The following SPAG7 variants were observed in gnomAD, a reference collection of about 807,000 sequenced individuals.
The protein encoded by SPAG7 is sperm-associated antigen 7.
SPAG7 carries 20 observed loss-of-function variants against 30.6 expected under a neutral mutation model. The observed-to-expected ratio is 0.65, with a 90% CI of 0.46 to 0.95. The LOEUF (loss-of-function observed/expected upper bound fraction) is 0.95. Among genes scored for constraint, SPAG7 ranks in the 40% least tolerant of loss-of-function variants. SPAG7 has a pLI of 0.00. For missense variants in SPAG7, 276 were observed against 291.1 expected (o/e 0.95, Z 0.38); for synonymous variants, 127 against 104.2 (o/e 1.22, Z -1.33).
chr17:4,967,135 G>A (rs1567678072), intron 1 of SPAG7: 6 of 986,264 alleles, frequency 6.1e-6, no homozygotes, highest in Non-Finnish European at 6.0e-6. Context: ...CGATCCGCCC[G>A]GGCAGCTCGG....
Position 4,967,607 on chromosome 17 carries a change from A to G in SPAG7, c.85+113T>C, listed in dbSNP as rs920472965. ...CTTTTAGGGACTCTGAGGGTCTCGG[A>G]AGGGGCCTGTGAGGGGTCTTTCAAG... On this transcript the variant is annotated intron_variant, in intron 1 of 6. Coordinates refer to ENST00000206020, the MANE Select transcript of SPAG7 (RefSeq NM_004890.3). 2.6e-5 allele frequency: 21 copies of G among 799,820 alleles called. No homozygotes were observed. The Admixed American group carries it at 2.7e-4, about 10-fold the overall frequency. The allele number at this position is 799,820 out of a possible 1,614,324, so 49.5% of individuals were successfully genotyped here. A position where few individuals can be genotyped will look rare whatever the true frequency, so the allele number is the denominator to read the frequency against.
chr17:4,959,575 G>C lies in SPAG7; in HGVS notation c.643C>G (p.Arg215Gly). ...EAMNEIRAKKRLRQSGEELPP... is the reference protein window; with the variant it reads ...EAMNEIRAKKGLRQSGEELPP... ...AACTCTTCCCCACTCTGCCGCAGAC[G>C]CTTCTTGGCTCTGATCTCATTCATA... The change falls in exon 7 of 7, where the codon CGT becomes GGT. Residue 215 changes from arginine (R) to glycine (G), a missense_variant. Physicochemically the swap from Arg to Gly is moderately radical, Grantham distance 125 (BLOSUM62 -2). Transcript: ENST00000206020. 1.2e-6 allele frequency: 2 copies of C among 1,614,016 alleles called. No homozygotes were observed. Among genetic ancestry groups the C allele is most frequent in the Non-Finnish European group, 1.7e-6 (2 of 1,180,022 alleles).
intron 2 of SPAG7, 67 bp from the exon 3 acceptor site, chr17:4,960,614 G>A (rs1443167731): frequency 7.0e-6 from 10 of 1,432,494 alleles, no homozygotes; most frequent in South Asian, 1.2e-5. Context: ...CTCCCTAGCT[G>A]AGCCTGGGCC....
At chr17:4,967,221 C>G in intron 1 of SPAG7, 3 of 992,004 alleles carry the variant, frequency 3.0e-6, no homozygotes, top group Non-Finnish European at 3.6e-6. Flanking sequence ...GCAGGAGGGG[C>G]AAGAACACAC....
intron 1 of SPAG7, among the ~76,000 whole-genome samples, chr17:4,964,018 C>T (rs1446731481): frequency 6.6e-6 from 1 of 152,094 alleles, no homozygotes; most frequent in East Asian, 1.9e-4. Context: ...TGCAGAGACT[C>T]AAGCTTCTCA....
rs975726771 is a variant in SPAG7 at position 4,963,415 on chromosome 17, A to C, written c.86-2562T>G. ...GAAAACAGACTAAGACCCTGGCCTC[A>C]AAGAGTCTGTCATCTCGTTTACACA... is the stretch of plus-strand genomic sequence containing the variant. On this transcript the variant is annotated intron_variant, in intron 1 of 6. Transcript: ENST00000206020. Among the ~76,000 whole-genome samples, 3 of 151,918 alleles carry C rather than the reference A, an allele frequency of 2.0e-5. No homozygotes were observed. In the East Asian group the frequency reaches 5.8e-4, roughly 29 times the overall value.
At chr17:4,961,591 TAA>T (rs879358196) in intron 1 of SPAG7, among the ~76,000 whole-genome samples, 3 of 129,276 alleles carry the variant, frequency 2.3e-5, no homozygotes, top group African/African-American at 2.9e-5. Context: ...CTGTCTCTAC[TAA>T]AAAAAAAAAA....
In SPAG7 at chr17:4,959,569, G is replaced by A. The variant is rs377700806; in HGVS notation, c.649C>T (p.Arg217Trp). Reference sequence around the variant, plus strand: ...GGCGGCAACTCTTCCCCACTCTGCCGCAGACGCTTCTTGGCTCTGATCTCA... The same window carrying A: ...GGCGGCAACTCTTCCCCACTCTGCCACAGACGCTTCTTGGCTCTGATCTCA... ...MNEIRAKKRL[R>W]QSGEELPPTS is the part of the protein sequence containing the mutation. The change falls in exon 7 of 7, where the codon CGG becomes TGG. Residue 217 changes from arginine (R) to tryptophan (W), a missense_variant. Physicochemically the swap from Arg to Trp is moderately radical, Grantham distance 101 (BLOSUM62 -3). Coordinates refer to ENST00000206020, the MANE Select transcript of SPAG7 (RefSeq NM_004890.3). 6 of 1,613,786 alleles carry A rather than the reference G, an allele frequency of 3.7e-6. No individual in the cohort carries two copies. The highest frequency in any genetic ancestry group is 5.1e-6 in the Non-Finnish European group (6 of 1,180,002).
chr17:4,960,845 C>A lies in SPAG7; in HGVS notation c.94G>T (p.Ala32Ser). Residue 32 changes from alanine (A) to serine (S), a missense_variant, in exon 2 of 7, where the codon GCC (alanine) becomes TCC (serine). Ala to Ser is a moderately conservative substitution (Grantham distance 99). Transcript: ENST00000206020. ...TGCTCTTGTAGTTTCTTCAGGCGGG[C>A]GGCCTGTTCTGGGGGTGAGAAATGG... ...ETRRKAREQAARLKKLQEQEK... is the reference protein window; with the variant it reads ...ETRRKAREQASRLKKLQEQEK... The A allele has an allele frequency of 1.2e-6, 2 of 1,613,986 alleles. No individual in the cohort carries two copies. Among genetic ancestry groups the A allele is most frequent in the Non-Finnish European group, 1.7e-6 (2 of 1,180,002 alleles).
In SPAG7 at chr17:4,959,508, G is replaced by C. The variant is rs766269560; in HGVS notation, c.*26C>G. ...CTCCCTGCCCCCTGCCCTGCCCCAG[G>C]GGTCAAAGGGAGCTGGGCGGGGCGC... On this transcript the variant is annotated 3_prime_UTR_variant, in exon 7 of 7. Coordinates refer to ENST00000206020, the MANE Select transcript of SPAG7 (RefSeq NM_004890.3). 1.9e-6 allele frequency: 3 copies of C among 1,588,246 alleles called. No individual in the cohort carries two copies. The highest frequency in any genetic ancestry group is 2.6e-6 in the Non-Finnish European group (3 of 1,160,800).
At chr17:4,960,378 C>G (rs1971841757) in intron 3 of SPAG7, 60 bp from the exon 4 acceptor site, 10 of 1,601,604 alleles carry the variant, frequency 6.2e-6, no homozygotes, top group Non-Finnish European at 8.6e-6. Flanking sequence ...CTAGTGCCCT[C>G]CTCTGGAGGA....
chr17:4,964,180 C>T lies in SPAG7; in HGVS notation c.86-3327G>A, dbSNP rs150824670. Among the ~76,000 whole-genome samples the T allele has an allele frequency of 7.0e-3, 1,069 of 152,062 alleles. 7 individuals carry two copies. Among genetic ancestry groups the T allele is most frequent in the Middle Eastern group, 0.034 (10 of 294 alleles). On this transcript the variant is annotated intron_variant, in intron 1 of 6. Coordinates refer to ENST00000206020, the MANE Select transcript of SPAG7 (RefSeq NM_004890.3). Reference sequence around the variant, plus strand: ...TCTTCCTTAGATCCTGCCTCTGCGCCAGATCCCCTCTGCCTCTGGAGGAGG... The same window carrying T: ...TCTTCCTTAGATCCTGCCTCTGCGCTAGATCCCCTCTGCCTCTGGAGGAGG...
chr17:4,960,003 G>C lies in SPAG7; in HGVS notation c.417+19C>G. The C allele has an allele frequency of 6.2e-7, 1 of 1,613,782 alleles. No homozygotes were observed. Among genetic ancestry groups the C allele is most frequent in the Non-Finnish European group, 8.5e-7 (1 of 1,179,818 alleles). On this transcript the variant is annotated intron_variant, in intron 5 of 6. Coordinates refer to ENST00000206020, the MANE Select transcript of SPAG7 (RefSeq NM_004890.3). ...GGTGGTGGGCTTCTGGACCCCAAGG[G>C]CTGCAAAGCATAGCTCACCTTCAGC...
At chr17:4,964,199 G>A (rs139256406) in intron 1 of SPAG7, among the ~76,000 whole-genome samples, 38 of 152,022 alleles carry the variant, frequency 2.5e-4, no homozygotes, top group Admixed American at 2.4e-3. Flanking sequence ...TCTGCCTCTG[G>A]AGGAGGAGGA....
At chr17:4,967,686 C>A in intron 1 of SPAG7, 34 bp downstream of exon 1, 1 of 1,536,262 alleles carries the variant, frequency 6.5e-7, no homozygotes, top group Non-Finnish European at 9.0e-7. Context: ...GAGAACCGGG[C>A]GAAGGAAGGC....
chr17:4,960,229 T>G lies in SPAG7; in HGVS notation c.327+5A>C. On this transcript the variant is annotated splice_donor_5th_base_variant and intron_variant, in intron 4 of 6. Coordinates refer to ENST00000206020, the MANE Select transcript of SPAG7 (RefSeq NM_004890.3). ...AGGAGAGAATGAGGAATTCAGGCCC[T>G]TTACCTTTTTGAAGATCATGACATA... 1.2e-6 allele frequency: 2 copies of G among 1,613,926 alleles called. No homozygotes were observed. Among genetic ancestry groups the G allele is most frequent in the Non-Finnish European group, 1.7e-6 (2 of 1,179,802 alleles).
chr17:4,967,663 G>T, intron 1 of SPAG7, 57 bp downstream of exon 1: 1 of 1,332,226 alleles, frequency 7.5e-7, no homozygotes, highest in Non-Finnish European at 1.1e-6. Flanking sequence ...CAAAGAGGGA[G>T]AAGTATGGTC....
Position 4,959,471 on chromosome 17 carries a change from G to T in SPAG7, c.*63C>A. On this transcript the variant is annotated 3_prime_UTR_variant, in exon 7 of 7. Transcript: ENST00000206020. Reference sequence around the variant, plus strand: ...GGCTCCAGGATGGGCTCTAATAGCAGCAGCCTTGTCTCTCCCTGCCCCCTG... The same window carrying T: ...GGCTCCAGGATGGGCTCTAATAGCATCAGCCTTGTCTCTCCCTGCCCCCTG... 7.4e-7 allele frequency: 1 copy of T among 1,344,900 alleles called. No individual in the cohort carries two copies. Among genetic ancestry groups the T allele is most frequent in the South Asian group, 1.2e-5 (1 of 85,302 alleles). 83.3% of individuals were successfully genotyped at this position (1,344,900 alleles called of 1,614,324 possible). A position where few individuals can be genotyped will look rare whatever the true frequency, so the allele number is the denominator to read the frequency against.
intron 1 of SPAG7, chr17:4,966,312 C>T (rs1971950687): frequency 6.6e-6 from 1 of 152,466 alleles, no homozygotes; most frequent in Non-Finnish European, 1.5e-5. Flanking sequence ...TTCGAGTCTT[C>T]TCTGCATCTA....
Sources: allele counts gnomAD v4.1 joint callset (sites outside exome capture counted in the v4.1 genomes callset), GRCh38; gene constraint gnomAD v4.1.1; transcripts MANE v1.5; gene names NCBI Gene and HGNC (gene_info 2026-07-23, HGNC 2026-07-21).